The following ADAMTS12 variants were observed in gnomAD, a reference collection of about 807,000 sequenced individuals.
The protein encoded by ADAMTS12 is ADAM metallopeptidase with thrombospondin type 1 motif 12, also known as A disintegrin and metalloproteinase with thrombospondin motifs 12.
A neutral mutation model predicts 167.8 loss-of-function variants in ADAMTS12; 118 were observed. The observed-to-expected ratio is 0.70, with a 90% CI of 0.61 to 0.82. The LOEUF (loss-of-function observed/expected upper bound fraction) is 0.82. Among genes scored for constraint, ADAMTS12 ranks in the 40% least tolerant of loss-of-function variants. The pLI, the probability that ADAMTS12 is intolerant of heterozygous loss-of-function variation, is 0.00. For missense variants in ADAMTS12, 1,916 were observed against 1,998.8 expected (o/e 0.96, Z 0.79); for synonymous variants, 704 against 716.9 (o/e 0.98, Z 0.29).
chr5:33,726,088 A>G (rs1743971146), intron 3 of ADAMTS12, among the ~76,000 whole-genome samples: 1 of 152,338 alleles, frequency 6.6e-6, no homozygotes, highest in East Asian at 1.9e-4. Context: ...CAAGCCTCCC[A>G]TGTCCTGTTC....
At chr5:33,677,721 C>T (rs1481004423) in intron 5 of ADAMTS12, among the ~76,000 whole-genome samples, 2 of 152,168 alleles carry the variant, frequency 1.3e-5, no homozygotes, top group Non-Finnish European at 2.9e-5. Flanking sequence ...CCCATCTGAA[C>T]TCACTGTCTG....
chr5:33,819,506 C>G (rs561912168), intron 2 of ADAMTS12, among the ~76,000 whole-genome samples: 1 of 151,750 alleles, frequency 6.6e-6, no homozygotes, highest in East Asian at 1.9e-4. Flanking sequence ...ACATGTGATG[C>G]CTCCAACTTT....
chr5:33,564,802 C>T (rs1745931073), intron 19 of ADAMTS12, among the ~76,000 whole-genome samples: 1 of 152,166 alleles, frequency 6.6e-6, no homozygotes, highest in South Asian at 2.1e-4. Context: ...ATTGTTGTAA[C>T]AAACAAAAGC....
At chr5:33,652,696 C>G (rs940785810) in intron 7 of ADAMTS12, among the ~76,000 whole-genome samples, 1 of 152,018 alleles carries the variant, frequency 6.6e-6, no homozygotes, top group African/African-American at 2.4e-5. Context: ...GCCATAAATT[C>G]TTTGCCTGGA....
At chr5:33,819,465 C>T (rs1245144433) in intron 2 of ADAMTS12, among the ~76,000 whole-genome samples, 1 of 151,994 alleles carries the variant, frequency 6.6e-6, no homozygotes, top group Non-Finnish European at 1.5e-5. Context: ...GTTTTGATTA[C>T]TGTAGCTTTG....
chr5:33,693,965 G>C (rs1418248583), intron 3 of ADAMTS12, among the ~76,000 whole-genome samples: 1 of 152,106 alleles, frequency 6.6e-6, no homozygotes, highest in Non-Finnish European at 1.5e-5. Context: ...AAAGTCTCAG[G>C]ATACAAAATC....
At chr5:33,539,370 T>C (rs1226466753) in intron 22 of ADAMTS12, among the ~76,000 whole-genome samples, 1 of 152,258 alleles carries the variant, frequency 6.6e-6, no homozygotes, top group Admixed American at 6.5e-5. Flanking sequence ...GCTGGCCATC[T>C]GGCAAACTGA....
At chr5:33,859,726 C>A (rs1426107142) in intron 2 of ADAMTS12, among the ~76,000 whole-genome samples, 2 of 152,190 alleles carry the variant, frequency 1.3e-5, no homozygotes, top group African/African-American at 2.4e-5. Flanking sequence ...AAACACCTCC[C>A]AGCAGGGGTC....
At chr5:33,713,761 C>T (rs998465039) in intron 3 of ADAMTS12, among the ~76,000 whole-genome samples, 1 of 152,102 alleles carries the variant, frequency 6.6e-6, no homozygotes, top group African/African-American at 2.4e-5. Context: ...GGCTCTAGTT[C>T]TTGCCACTAC....
At chr5:33,644,139 G>A (rs894471506) in intron 9 of ADAMTS12, among the ~76,000 whole-genome samples, 2 of 152,122 alleles carry the variant, frequency 1.3e-5, no homozygotes, top group Non-Finnish European at 2.9e-5. Context: ...TACACTGCAT[G>A]TGTTTTTTCA....
chr5:33,803,400 G>T (rs941450753), intron 2 of ADAMTS12, among the ~76,000 whole-genome samples: 3 of 152,156 alleles, frequency 2.0e-5, no homozygotes, highest in Non-Finnish European at 2.9e-5. Context: ...TGCTACCTTG[G>T]TTATTCAACT....
chr5:33,605,287 C>G (rs1738380692), intron 16 of ADAMTS12, among the ~76,000 whole-genome samples: 1 of 152,180 alleles, frequency 6.6e-6, no homozygotes, highest in South Asian at 2.1e-4. Flanking sequence ...TCAGTTCTAG[C>G]CACTGTATTA....
At chr5:33,705,744 G>C (rs889662012) in intron 3 of ADAMTS12, among the ~76,000 whole-genome samples, 10 of 152,144 alleles carry the variant, frequency 6.6e-5, no homozygotes, top group African/African-American at 2.4e-4. Context: ...GGGAGGCAGA[G>C]ATTGCAGTGA....
intron 22 of ADAMTS12, among the ~76,000 whole-genome samples, chr5:33,540,794 C>T (rs2111784031): frequency 6.6e-6 from 1 of 151,998 alleles, no homozygotes; most frequent in African/African-American, 2.4e-5. Context: ...TCAACATCAA[C>T]AAAAAGGACA....
At chr5:33,888,146 G>A (rs1327136610) in intron 1 of ADAMTS12, 1 of 152,140 alleles carries the variant, frequency 6.6e-6, no homozygotes, top group African/African-American at 2.4e-5. Flanking sequence ...TAGTATATGT[G>A]CTTCCAAAGC....
intron 2 of ADAMTS12, among the ~76,000 whole-genome samples, chr5:33,753,833 C>A (rs773473730): frequency 6.6e-6 from 1 of 152,194 alleles, no homozygotes; most frequent in Non-Finnish European, 1.5e-5. Context: ...GGAAAATCAC[C>A]TATTCAACCT....
At chr5:33,609,352 T>G in intron 16 of ADAMTS12, among the ~76,000 whole-genome samples, 1 of 149,666 alleles carries the variant, frequency 6.7e-6, no homozygotes, top group African/African-American at 2.4e-5. Flanking sequence ...CAAAATTCAT[T>G]ATATTAAAAA....
chr5:33,786,231 T>G (rs1277489258), intron 2 of ADAMTS12, among the ~76,000 whole-genome samples: 1 of 152,218 alleles, frequency 6.6e-6, no homozygotes, highest in Non-Finnish European at 1.5e-5. Context: ...TGTATTGTGA[T>G]GATTCCACAA....
chr5:33,826,584 G>GTATA (rs1488842952), intron 2 of ADAMTS12, among the ~76,000 whole-genome samples: 866 of 71,668 alleles, frequency 0.012, 9 homozygotes, highest in African/African-American at 0.041. Context: ...GTGTGTGTGT[G>GTATA]TGTATATATA....
Sources: gnomAD v4.1 joint callset for allele counts (sites outside exome capture counted in the v4.1 genomes callset) on GRCh38, gnomAD v4.1.1 for gene constraint, MANE v1.5 for transcripts, NCBI Gene and HGNC (gene_info 2026-07-23, HGNC 2026-07-21) for gene names.